NUP107: variants seen among roughly 807,000 people sequenced by gnomAD.
NUP107 encodes nuclear pore complex protein Nup107.
NUP107 carries 101 observed loss-of-function variants against 141.0 expected under a neutral mutation model. The ratio of observed to expected loss-of-function variants is 0.72; its 90% confidence interval spans 0.61 to 0.84. NUP107 has a LOEUF of 0.84. NUP107 is among the 40% of genes least tolerant of loss of function. The probability of loss-of-function intolerance (pLI) is 0.00; values close to 1 mark genes in which losing one functional copy is unlikely to be tolerated. For synonymous variants in NUP107, 319 were observed against 363.9 expected (o/e 0.88, Z 1.41); for missense variants, 941 against 1,102.7 (o/e 0.85, Z 2.08).
At position 68,742,613 on chromosome 12, in the gene NUP107, A is replaced by G. The variant is rs1878367982; in HGVS notation, c.*151A>G. The G allele has an allele frequency of 2.4e-6, 1 of 414,446 alleles. No homozygotes were observed. The allele number at this position is 414,446 out of a possible 1,614,324, so 25.7% of individuals were successfully genotyped here. On this transcript the variant is annotated 3_prime_UTR_variant, in exon 28 of 28. Transcript: ENST00000229179. ...AGAATATTATCGTGACACTTTCAAC[A>G]TGTAGGGATATCAGCGTTTCTCTGT... is the stretch of plus-strand genomic sequence containing the variant.
chr12:68,715,639 C>G lies in NUP107; in HGVS notation c.982C>G (p.Pro328Ala). 6.2e-7 allele frequency: 1 copy of G among 1,607,630 alleles called. No homozygotes were observed. The change falls in exon 12 of 28, where the codon CCC (proline) becomes GCC (alanine). Residue 328 changes from proline to alanine, a missense_variant. Transcript: ENST00000229179. Reference sequence around the variant, plus strand: ...TTTCTTCTTACAGGACCCTGATGCTCCCATAAGACAGAAAATGCCCCTTGA... The same window carrying G: ...TTTCTTCTTACAGGACCCTGATGCTGCCATAAGACAGAAAATGCCCCTTGA... ...PLVTELDPDA[P>A]IRQKMPLDDL...
intron 17 of NUP107, among the ~76,000 whole-genome samples, chr12:68,724,085 T>C (rs1442234082): frequency 3.3e-5 from 5 of 152,028 alleles, no homozygotes; most frequent in Non-Finnish European, 7.4e-5. Context: ...CTCAGTAAGT[T>C]ACTAGAATTA....
intron 21 of NUP107, 147 bp downstream of exon 21, chr12:68,731,407 C>T (rs1389387776): frequency 1.2e-6 from 1 of 833,838 alleles, no homozygotes; most frequent in Non-Finnish European, 1.7e-6. Flanking sequence ...TGTTTTAGGA[C>T]TAAAGTTACT....
intron 19 of NUP107, 23 bp downstream of exon 19, chr12:68,726,640 T>C: frequency 7.1e-7 from 1 of 1,400,558 alleles, no homozygotes; most frequent in Non-Finnish European, 1.0e-6. Context: ...GAACGATTTC[T>C]TCTTCTCTGT....
chr12:68,690,536 T>C, intron 3 of NUP107, 95 bp from the exon 4 acceptor site: 1 of 1,517,140 alleles, frequency 6.6e-7, no homozygotes, highest in Non-Finnish European at 9.0e-7. Context: ...AATGGAAAAC[T>C]GAAAAATTTA....
intron 1 of NUP107, chr12:68,687,425 C>T (rs1875552810): frequency 1.8e-6 from 2 of 1,093,854 alleles, no homozygotes; most frequent in African/African-American, 1.6e-5. Context: ...AGTGAAGATA[C>T]TGGGATCTCA....
rs528701446 is a variant in NUP107 at position 68,690,839 on chromosome 12, G to A, written c.303+93G>A. The A allele has an allele frequency of 1.3e-5, 17 of 1,281,046 alleles. No homozygotes were observed. In the South Asian group the frequency reaches 2.1e-4, roughly 15 times the overall value. The allele number at this position is 1,281,046 out of a possible 1,614,324, so 79.4% of individuals were successfully genotyped here. On this transcript the variant is annotated intron_variant, in intron 4 of 27. Coordinates refer to ENST00000229179, the MANE Select transcript of NUP107 (RefSeq NM_020401.4). Reference sequence around the variant, plus strand: ...GCACTCCCTGAACTCCTGACCTCAAGTGATTCTCCCGCCTTGGCCTCCCAG... The same window carrying A: ...GCACTCCCTGAACTCCTGACCTCAAATGATTCTCCCGCCTTGGCCTCCCAG...
intron 8 of NUP107, among the ~76,000 whole-genome samples, chr12:68,703,388 T>TAC (rs1351997209): frequency 6.6e-6 from 1 of 152,152 alleles, no homozygotes; most frequent in African/African-American, 2.4e-5. Context: ...CATACTTGTA[T>TAC]ACACACACAC....
Position 68,719,321 on chromosome 12 carries a change from G to A in NUP107, c.1084-20G>A, listed in dbSNP as rs372162943. ...AAGCACCCTGGTTATTGGACTGACT[G>A]CTCTTTCTTGTTTTCTAAGGCACAA... On this transcript the variant is annotated intron_variant, in intron 12 of 27. Coordinates refer to ENST00000229179, the MANE Select transcript of NUP107 (RefSeq NM_020401.4). 49 of 1,599,180 alleles carry A rather than the reference G, an allele frequency of 3.1e-5. No homozygotes were observed. In the Admixed American group the frequency reaches 4.5e-4, roughly 15 times the overall value.
At chr12:68,734,878 A>G (rs1340479715) in intron 25 of NUP107, 45 bp downstream of exon 25, 1 of 1,586,512 alleles carries the variant, frequency 6.3e-7, no homozygotes, top group Non-Finnish European at 8.6e-7. Flanking sequence ...CATCTTATAA[A>G]TGTGTGTTGT....
intron 22 of NUP107, among the ~76,000 whole-genome samples, chr12:68,732,059 C>T (rs150143536): frequency 7.2e-4 from 109 of 152,232 alleles, no homozygotes; most frequent in African/African-American, 2.2e-3. Context: ...TTTAGAGTAA[C>T]ATTTAAAGGA....
intron 22 of NUP107, among the ~76,000 whole-genome samples, chr12:68,732,261 A>C (rs1403834848): frequency 2.6e-5 from 4 of 152,152 alleles, no homozygotes; most frequent in Non-Finnish European, 5.9e-5. Context: ...CAGTCTCCCG[A>C]GTAGCTGGGA....
At chr12:68,707,636 C>T (rs540439460) in intron 8 of NUP107, among the ~76,000 whole-genome samples, 1 of 152,218 alleles carries the variant, frequency 6.6e-6, no homozygotes, top group East Asian at 1.9e-4. Context: ...AATATGTGCA[C>T]ATGTTTTTAA....
chr12:68,688,438 T>A (rs887180856), intron 1 of NUP107, among the ~76,000 whole-genome samples: 8 of 152,228 alleles, frequency 5.3e-5, no homozygotes, highest in Admixed American at 4.6e-4. Flanking sequence ...GTCATTTTGC[T>A]CCAATTTACC....
chr12:68,706,286 A>T, intron 8 of NUP107: 1 of 850,836 alleles, frequency 1.2e-6, no homozygotes. Flanking sequence ...GGAAGGGCTT[A>T]CTGAAGAGAT....
chr12:68,712,003 G>A (rs866722747), intron 10 of NUP107, among the ~76,000 whole-genome samples: 1 of 152,038 alleles, frequency 6.6e-6, no homozygotes, highest in Non-Finnish European at 1.5e-5. Flanking sequence ...TCAGCTACTT[G>A]TGTGGGTTTG....
At chr12:68,727,315 A>G in intron 19 of NUP107, 36 bp from the exon 20 acceptor site, 1 of 1,083,166 alleles carries the variant, frequency 9.2e-7, no homozygotes, top group Non-Finnish European at 1.4e-6. Context: ...TCATATAAGC[A>G]GTGTATTTAT....
chr12:68,692,199 A>G (rs1184525156), intron 5 of NUP107, 87 bp downstream of exon 5: 8 of 1,295,524 alleles, frequency 6.2e-6, no homozygotes, highest in African/African-American at 1.5e-5. Context: ...GAACGTCATT[A>G]TGTTTTTCTT....
At chr12:68,720,203 A>G (rs1877296245) in intron 14 of NUP107, among the ~76,000 whole-genome samples, 1 of 152,228 alleles carries the variant, frequency 6.6e-6, no homozygotes, top group African/African-American at 2.4e-5. Flanking sequence ...TTCATTAGTG[A>G]TACATAAAAT....
Sources: allele counts gnomAD v4.1 joint callset (sites outside exome capture counted in the v4.1 genomes callset), GRCh38; gene constraint gnomAD v4.1.1; transcripts MANE v1.5; gene names NCBI Gene and HGNC (gene_info 2026-07-23, HGNC 2026-07-21).